TPM4: variants seen among roughly 807,000 people sequenced by gnomAD.
The protein encoded by TPM4 is tropomyosin alpha-4 chain.
In TPM4, 17 loss-of-function variants were observed where a neutral mutation model predicts 35.8. That is an observed-to-expected ratio of 0.47 (90% CI 0.32 to 0.71). The LOEUF is 0.71. Ranked by LOEUF, TPM4 falls within the 30% of genes least tolerant of loss-of-function variation. TPM4 has a pLI of 0.03. For synonymous variants in TPM4, 120 were observed against 122.9 expected (o/e 0.98, Z 0.15); for missense variants, 240 against 320.9 (o/e 0.75, Z 1.93).
chr19:16,069,390 GGTGT>G (rs148564234), intron 2 of TPM4, among the ~76,000 whole-genome samples: 11 of 12,008 alleles, frequency 9.2e-4, no homozygotes, highest in South Asian at 7.7e-3. Context: ...TGTTTCTATT[GGTGT>G]GTGTGTATGA....
At chr19:16,094,985 C>T (rs1802794251) in intron 7 of TPM4, among the ~76,000 whole-genome samples, 2 of 152,106 alleles carry the variant, frequency 1.3e-5, no homozygotes, top group Admixed American at 6.6e-5. Context: ...GGGGTGGGGA[C>T]CAGTGGGGGG....
intron 7 of TPM4, among the ~76,000 whole-genome samples, chr19:16,096,591 T>C (rs1167890267): frequency 2.0e-5 from 3 of 152,134 alleles, no homozygotes; most frequent in Non-Finnish European, 2.9e-5. Context: ...ACACTGTGAG[T>C]GTGGTGACTG....
Position 16,076,663 on chromosome 19 carries a change from G to C in TPM4, c.98G>C (p.Arg33Pro). 1 of 1,423,118 alleles carries C rather than the reference G, an allele frequency of 7.0e-7. No individual in the cohort carries two copies. Among genetic ancestry groups the C allele is most frequent in the Non-Finnish European group, 9.2e-7 (1 of 1,092,112 alleles). The allele number at this position is 1,423,118 out of a possible 1,614,324, so 88.2% of individuals were successfully genotyped here. A position where few individuals can be genotyped will look rare whatever the true frequency, so the allele number is the denominator to read the frequency against. ...GAAGACCGCGCGCAGGGCCTGCAGC[G>C]GGAGCTGGACGGCGAGCGCGAGCGG... ...EAEDRAQGLQRELDGERERRE... is the reference protein window; with the variant it reads ...EAEDRAQGLQPELDGERERRE... Residue 33 changes from arginine to proline, a missense_variant, in exon 1 of 8, where the codon CGG (arginine) becomes CCG (proline). Arg to Pro is a moderately radical substitution (Grantham distance 103, BLOSUM62 -2). Coordinates refer to ENST00000643579, the MANE Select transcript of TPM4 (RefSeq NM_003290.3).
chr19:16,080,964 G>C (rs2090475371), intron 1 of TPM4: 4 of 398,504 alleles, frequency 1.0e-5, no homozygotes, highest in Non-Finnish European at 1.8e-5. Context: ...TGTCTTCCAT[G>C]CCTGCAACCA....
At chr19:16,096,941 T>TTTTTTTTTA (rs2090706473) in intron 7 of TPM4, among the ~76,000 whole-genome samples, 1 of 24,626 alleles carries the variant, frequency 4.1e-5, no homozygotes, top group Non-Finnish European at 7.6e-5. Flanking sequence ...TCACTCTTTT[T>TTTTTTTTTA]TTTTTTTTTT....
In TPM4 at chr19:16,070,978, A is replaced by C. The variant is rs78400245; in HGVS notation, c.114+3240A>C. Among the ~76,000 whole-genome samples, 2,609 of 150,818 alleles carry C rather than the reference A, an allele frequency of 0.017. 73 individuals carry two copies. The highest frequency in any genetic ancestry group is 0.056 in the African/African-American group (2,303 of 41,474). The stretch of plus-strand genomic sequence containing the variant: ...AAACAAGTTTATAGCACTAATTCTT[A>C]CTAAGGTGTGAGTGGCTATCTCCCA... On this transcript the variant is annotated intron_variant, in intron 2 of 2. Coordinates refer to the TPM4 transcript ENST00000589897. The surrounding 1 kb of genome is among the most constrained non-coding windows in gnomAD (Gnocchi z 7.4).
chr19:16,084,117 C>T (rs1169192052), intron 2 of TPM4, among the ~76,000 whole-genome samples: 1 of 152,154 alleles, frequency 6.6e-6, no homozygotes, highest in Non-Finnish European at 1.5e-5. Flanking sequence ...TTAGTAGAGA[C>T]AGGGTTTCAC....
At chr19:16,087,924 G>A (rs1161525398) in intron 3 of TPM4, 103 bp from the exon 4 acceptor site, 5 of 1,220,648 alleles carry the variant, frequency 4.1e-6, no homozygotes, top group Non-Finnish European at 5.9e-6. Context: ...GTTGCAGCTG[G>A]TCTAGGGGTC....
upstream of TPM4, among the ~76,000 whole-genome samples, chr19:16,073,120 G>A (rs142835880): frequency 4.6e-3 from 704 of 152,052 alleles, 6 homozygotes; most frequent in African/African-American, 0.016. Context: ...GAAGTGGGAG[G>A]ATCCCTTGAG....
rs543388064 is a variant in TPM4 at position 16,070,597 on chromosome 19, C to T, written c.114+2859C>T. ...CCCGGACGCCTGCATGAGTGAGATA[C>T]GGAAGTGACAGTAGGGCCTCCCTTG... On this transcript the variant is annotated intron_variant, in intron 2 of 2. Transcript: ENST00000589897. This position sits in a 1 kb window ranked among gnomAD's most constrained non-coding sequence, Gnocchi z 7.4. 5.9e-5 allele frequency among the ~76,000 whole-genome samples: 9 copies of T among 152,314 alleles called. No homozygotes were observed. In the East Asian group the frequency reaches 9.6e-4, roughly 16 times the overall value.
At chr19:16,081,131 C>T (rs891096777) in intron 1 of TPM4, 1 of 398,452 alleles carries the variant, frequency 2.5e-6, no homozygotes, top group African/African-American at 2.1e-5. Context: ...TTTATCTTGC[C>T]ATTCAGGTGA....
intron 5 of TPM4, among the ~76,000 whole-genome samples, 193 bp from the exon 6 acceptor site, chr19:16,093,343 A>G (rs1354779610): frequency 2.6e-5 from 4 of 151,646 alleles, no homozygotes; most frequent in Non-Finnish European, 5.9e-5. Flanking sequence ...CTACAGCTGC[A>G]TGCCACCAAG....
intron 3 of TPM4, 152 bp from the exon 4 acceptor site, chr19:16,087,875 C>G: frequency 1.3e-6 from 1 of 752,884 alleles, no homozygotes; most frequent in African/African-American, 1.7e-5. Flanking sequence ...AGGGAGACTC[C>G]GTCCCCCTGC....
At chr19:16,072,361 T>G (rs2090363799), upstream of TPM4, among the ~76,000 whole-genome samples, 1 of 152,202 alleles carries the variant, frequency 6.6e-6, no homozygotes, top group South Asian at 2.1e-4. Context: ...GCGAAAGCTC[T>G]GCTCAGGGCA....
chr19:16,075,197 C>A (rs1046594737), upstream of TPM4: 2 of 152,092 alleles, frequency 1.3e-5, no homozygotes, highest in Admixed American at 6.6e-5. Context: ...TCTTCTTGAG[C>A]CAACTCTAGA....
At chr19:16,077,685 A>G (rs1291602415) in intron 1 of TPM4, among the ~76,000 whole-genome samples, 1 of 139,480 alleles carries the variant, frequency 7.2e-6, no homozygotes, top group Non-Finnish European at 1.5e-5. Context: ...CCGACCCCCC[A>G]GAGTAGCAGG....
upstream of TPM4, among the ~76,000 whole-genome samples, chr19:16,071,937 A>T (rs1307046588): frequency 6.6e-6 from 1 of 152,186 alleles, no homozygotes; most frequent in Non-Finnish European, 1.5e-5. Flanking sequence ...AGATAGGGAA[A>T]CTGAGGCTCA....
At chr19:16,078,826 G>T (rs562146042) in intron 1 of TPM4, among the ~76,000 whole-genome samples, 396 of 108,024 alleles carry the variant, frequency 3.7e-3, no homozygotes, top group Middle Eastern at 0.015. Context: ...GACCAGGGGT[G>T]GGTTAAAAAA....
chr19:16,067,776 G>GCGTCC lies in TPM4; in HGVS notation c.114+38_114+39insCGTCC. The GCGTCC allele has an allele frequency of 6.3e-7, 1 of 1,596,866 alleles. No individual in the cohort carries two copies. The highest frequency in any genetic ancestry group is 8.5e-7 in the Non-Finnish European group (1 of 1,172,698). On this transcript the variant is annotated intron_variant, in intron 2 of 2. Transcript: ENST00000589897. The surrounding 1 kb of genome is among the most constrained non-coding windows in gnomAD (Gnocchi z 4.1). The stretch of plus-strand genomic sequence containing the variant: ...CCGCTGGGCCGCTCCGGGCTGCTGG[G>GCGTCC]AGTCCTCTCTGTGCGGAAGGCCGGG...
Sources: allele counts gnomAD v4.1 joint callset (sites outside exome capture counted in the v4.1 genomes callset), GRCh38; gene constraint gnomAD v4.1.1; non-coding constraint Gnocchi (gnomAD v3.1); transcripts MANE v1.5; gene names NCBI Gene and HGNC (gene_info 2026-07-23, HGNC 2026-07-21).